Variants in MYO6 observed in about 807,000 individuals in gnomAD.
The protein encoded by MYO6 is unconventional myosin-VI.
Under a neutral mutation model 178.7 loss-of-function variants are expected in MYO6, and 74 were observed. The ratio of observed to expected loss-of-function variants is 0.41; its 90% CI spans 0.34 to 0.50. The LOEUF (loss-of-function observed/expected upper bound fraction) is 0.50. Among genes scored for constraint, MYO6 ranks in the 20% least tolerant of loss-of-function variants. The pLI, the probability that MYO6 is intolerant of heterozygous loss-of-function variation, is 0.09. For synonymous variants in MYO6, 477 were observed against 504.6 expected, an observed-to-expected ratio of 0.95 and a Z score of 0.73; for missense variants, 1,330 against 1,547.4, an observed-to-expected ratio of 0.86 and a Z score of 2.36.
At chr6:75,763,451 T>A (rs569186799) in intron 1 of MYO6, among the ~76,000 whole-genome samples, 24 of 152,322 alleles carry the variant, frequency 1.6e-4, no homozygotes, top group Non-Finnish European at 2.9e-4. Context: ...AAATACGGAT[T>A]TTTCACACAT....
intron 33 of MYO6, 44 bp from the exon 34 acceptor site, chr6:75,914,019 T>C (rs764566532): frequency 1.3e-6 from 2 of 1,587,972 alleles, no homozygotes; most frequent in South Asian, 2.2e-5. Context: ...CTCTTTTCTT[T>C]TCCCTTGAGC....
intron 4 of MYO6, among the ~76,000 whole-genome samples, chr6:75,829,415 A>T (rs915525122): frequency 2.0e-5 from 3 of 152,100 alleles, no homozygotes; most frequent in African/African-American, 7.2e-5. Flanking sequence ...AACGAAGAAA[A>T]CACATGGCTT....
chr6:75,901,142 T>C (rs1315434411), intron 30 of MYO6, among the ~76,000 whole-genome samples: 1 of 152,186 alleles, frequency 6.6e-6, no homozygotes, highest in Non-Finnish European at 1.5e-5. Context: ...TGTAGCCTTG[T>C]AGTATAGTTT....
At chr6:75,793,558 C>G (rs959345752) in intron 1 of MYO6, among the ~76,000 whole-genome samples, 11 of 151,456 alleles carry the variant, frequency 7.3e-5, no homozygotes, top group African/African-American at 9.7e-5. Context: ...GAGCCAAGAT[C>G]GTACCACTAC....
At chr6:75,876,456 T>A (rs1342041929) in intron 20 of MYO6, among the ~76,000 whole-genome samples, 2 of 152,194 alleles carry the variant, frequency 1.3e-5, no homozygotes, top group Non-Finnish European at 2.9e-5. Context: ...ACTGGAAAAT[T>A]AAGTAATTCA....
Position 75,865,016 on chromosome 6 carries a change from T to A in MYO6, c.1675-1510T>A, listed in dbSNP as rs17794751. On this transcript the variant is annotated intron_variant, in intron 16 of 34. Transcript: ENST00000369977. ...GGCACTCTGACTTGTCCTGGTGTATTGCCTCCCACAGGGAACAGCCTCTCT... is the reference window on the plus strand; with the variant it reads ...GGCACTCTGACTTGTCCTGGTGTATAGCCTCCCACAGGGAACAGCCTCTCT... Among the ~76,000 whole-genome samples, 14 of 152,310 alleles carry A rather than the reference T, an allele frequency of 9.2e-5. 1 individual carries two copies. The South Asian group carries it at 2.7e-3, about 29-fold the overall frequency.
In MYO6 at chr6:75,887,005, T is replaced by G; in HGVS notation, c.2658+11T>G. ...ATGGCCAAAATTAAGGTATGTAATT[T>G]CAACCCGAATGACTTTGACTTTTTA... On this transcript the variant is annotated intron_variant, in intron 25 of 34. Transcript: ENST00000369977. The G allele has an allele frequency of 6.2e-7, 1 of 1,608,632 alleles. No individual in the cohort carries two copies. The highest frequency in any genetic ancestry group is 8.5e-7 in the Non-Finnish European group (1 of 1,175,292).
intron 1 of MYO6, among the ~76,000 whole-genome samples, chr6:75,815,158 C>T (rs564993659): frequency 2.0e-5 from 3 of 152,052 alleles, no homozygotes; most frequent in Non-Finnish European, 4.4e-5. Flanking sequence ...TGAACTAAGA[C>T]GGTAGAGGAG....
At position 75,916,347 on chromosome 6, in the gene MYO6, G is replaced by A. The variant is rs942079896; in HGVS notation, c.*1335G>A. 11 of 152,542 alleles carry A rather than the reference G, an allele frequency of 7.2e-5. No individual in the cohort carries two copies. The highest frequency in any genetic ancestry group is 1.5e-4 in the Non-Finnish European group (10 of 68,040). 9.4% of individuals were successfully genotyped at this position (152,542 alleles called of 1,614,324 possible). ...ACCTCAGTTAGGGAAGTATTTCCCAGCTGACTAGTGTTTGTGAGCCACAGA... is the reference window on the plus strand; with the variant it reads ...ACCTCAGTTAGGGAAGTATTTCCCAACTGACTAGTGTTTGTGAGCCACAGA... On this transcript the variant is annotated 3_prime_UTR_variant, in exon 35 of 35. Transcript: ENST00000369977.
intron 1 of MYO6, among the ~76,000 whole-genome samples, chr6:75,798,631 A>T (rs1769101919): frequency 6.6e-6 from 1 of 152,222 alleles, no homozygotes; most frequent in Non-Finnish European, 1.5e-5. Context: ...GAAAATAATG[A>T]GTTGTCTATG....
At chr6:75,811,019 G>T (rs181709807) in intron 1 of MYO6, among the ~76,000 whole-genome samples, 1,709 of 140,214 alleles carry the variant, frequency 0.012, 68 homozygotes, top group East Asian at 0.092. Context: ...AAGCAGTTTT[G>T]TTTTTTTTTT....
chr6:75,810,592 C>G (rs1346262334), intron 1 of MYO6, among the ~76,000 whole-genome samples: 1 of 152,170 alleles, frequency 6.6e-6, no homozygotes, highest in East Asian at 1.9e-4. Flanking sequence ...TGGGTTTCCC[C>G]CATCCAAGAG....
intron 1 of MYO6, among the ~76,000 whole-genome samples, chr6:75,770,364 G>A (rs532115998): frequency 2.6e-5 from 4 of 152,290 alleles, no homozygotes; most frequent in East Asian, 1.9e-4. Context: ...GAGAAATTCC[G>A]TAATGAGATA....
chr6:75,875,840 T>C (rs184021331), intron 20 of MYO6, among the ~76,000 whole-genome samples: 11 of 152,336 alleles, frequency 7.2e-5, no homozygotes, highest in Admixed American at 5.2e-4. Flanking sequence ...GTTTTTCACA[T>C]GCATCCAGAA....
At chr6:75,788,223 G>C (rs537746803) in intron 1 of MYO6, among the ~76,000 whole-genome samples, 33 of 151,992 alleles carry the variant, frequency 2.2e-4, no homozygotes, top group African/African-American at 8.0e-4. Flanking sequence ...GATTAGCTAG[G>C]TGTGGTGGTG....
At chr6:75,758,387 T>TA (rs1466798862) in intron 1 of MYO6, among the ~76,000 whole-genome samples, 9 of 152,304 alleles carry the variant, frequency 5.9e-5, no homozygotes, top group Admixed American at 2.0e-4. Flanking sequence ...TTGGGGCTTA[T>TA]AGCATTGTAT....
Position 75,817,515 on chromosome 6 carries a change from T to C in MYO6, c.-33T>C. Reference sequence around the variant, plus strand: ...CTTTGAAACAGGTGACAGTGGATAGTGGAAACAGGAGATCGTGGATCCTCC... The same window carrying C: ...CTTTGAAACAGGTGACAGTGGATAGCGGAAACAGGAGATCGTGGATCCTCC... On this transcript the variant is annotated 5_prime_UTR_variant, in exon 2 of 35. Transcript: ENST00000369977. 1 of 1,549,488 alleles carries C rather than the reference T, an allele frequency of 6.5e-7. No homozygotes were observed. The highest frequency in any genetic ancestry group is 8.9e-7 in the Non-Finnish European group (1 of 1,121,164).
rs1781031440 is a variant in MYO6, at chr6:75,914,870, AGC to A, written c.3718_3719del (p.Arg1240TrpfsTer3). On this transcript the variant is annotated frameshift_variant, in exon 35 of 35. Transcript: ENST00000369977. LOFTEE classifies it high-confidence loss of function. Reference sequence around the variant, plus strand: ...CTTGAGGAGACTGGCCTGACTCGGAAGCGTGGTGCTGAGATCTTGCCAAGACA... The same window carrying A: ...CTTGAGGAGACTGGCCTGACTCGGAAGTGGTGCTGAGATCTTGCCAAGACA... The A allele has an allele frequency of 1.2e-6, 2 of 1,614,164 alleles. No individual in the cohort carries two copies. The highest frequency in any genetic ancestry group is 1.7e-6 in the Non-Finnish European group (2 of 1,180,006).
At chr6:75,769,837 T>C (rs1217679977) in intron 1 of MYO6, among the ~76,000 whole-genome samples, 1 of 152,090 alleles carries the variant, frequency 6.6e-6, no homozygotes, top group African/African-American at 2.4e-5. Flanking sequence ...GAGGCAGAGG[T>C]TTCAGTGAGC....
Sources: allele counts gnomAD v4.1 joint callset (sites outside exome capture counted in the v4.1 genomes callset), GRCh38; gene constraint gnomAD v4.1.1; transcripts MANE v1.5; gene names NCBI Gene and HGNC (gene_info 2026-07-23, HGNC 2026-07-21).